Variants in TLK1 observed in about 807,000 individuals in gnomAD.
TLK1 encodes the protein tousled like kinase 1.
A neutral mutation model predicts 105.3 loss-of-function variants in TLK1; 24 were observed. The ratio of observed to expected loss-of-function variants is 0.23; its 90% CI spans 0.17 to 0.32. The LOEUF (loss-of-function observed/expected upper bound fraction) is 0.32, where lower values mean the gene tolerates loss of function less well. Among genes scored for constraint, TLK1 ranks in the 10% least tolerant of loss-of-function variants. The pLI is 1.00. For missense variants in TLK1, 558 were observed against 910.5 expected (o/e 0.61, Z 4.98); for synonymous variants, 321 against 310.4 (o/e 1.03, Z -0.36).
chr2:171,032,594 G>C (rs1445907322), intron 11 of TLK1, among the ~76,000 whole-genome samples: 2 of 152,134 alleles, frequency 1.3e-5, no homozygotes, highest in African/African-American at 4.8e-5. Context: ...AGTTCAAAAA[G>C]AGTTAATTAA....
intron 18 of TLK1, among the ~76,000 whole-genome samples, chr2:171,002,375 C>T (rs998325594): frequency 6.6e-6 from 1 of 152,108 alleles, no homozygotes; most frequent in African/African-American, 2.4e-5. Flanking sequence ...TCTCCTGCCT[C>T]AGCCTCCCGA....
chr2:171,175,748 TG>T (rs1410610937), intron 1 of TLK1, among the ~76,000 whole-genome samples: 2 of 152,186 alleles, frequency 1.3e-5, no homozygotes, highest in Admixed American at 6.6e-5. Flanking sequence ...TGTCTTTATT[TG>T]ACCTCTGGGA....
chr2:171,044,563 G>A (rs1686849789), intron 11 of TLK1, among the ~76,000 whole-genome samples: 1 of 152,184 alleles, frequency 6.6e-6, no homozygotes, highest in Non-Finnish European at 1.5e-5. Flanking sequence ...CGATACTCAA[G>A]AGAAAAGTGG....
chr2:171,214,718 G>A (rs1693681946), intron 1 of TLK1, among the ~76,000 whole-genome samples: 1 of 152,196 alleles, frequency 6.6e-6, no homozygotes, highest in Admixed American at 6.5e-5. Flanking sequence ...TGTATGATAA[G>A]AACTTAGAAT....
At chr2:171,146,486 T>G (rs763610608) in intron 1 of TLK1, among the ~76,000 whole-genome samples, 2 of 152,098 alleles carry the variant, frequency 1.3e-5, no homozygotes, top group South Asian at 2.1e-4. Context: ...GCATAAAACT[T>G]TATACAATGG....
chr2:171,210,702 A>G (rs1158480794), intron 1 of TLK1, among the ~76,000 whole-genome samples: 1 of 152,244 alleles, frequency 6.6e-6, no homozygotes, highest in Non-Finnish European at 1.5e-5. Context: ...ATTGTATTGC[A>G]ACATCCTTAT....
chr2:171,186,234 A>G lies in TLK1; in HGVS notation c.-6+44911T>C, dbSNP rs552612409. Among the ~76,000 whole-genome samples, 3 of 152,330 alleles carry G rather than the reference A, an allele frequency of 2.0e-5. No homozygotes were observed. In the East Asian group the frequency reaches 5.8e-4, roughly 29 times the overall value. On this transcript the variant is annotated intron_variant, in intron 1 of 20. Coordinates refer to the TLK1 transcript ENST00000521943. The stretch of plus-strand genomic sequence containing the variant: ...TAATCCTCATCGAAATGCCTATAGG[A>G]AACACCAGATTCAGTGAGATACCTC...
chr2:171,007,373 T>C (rs1436565799), intron 14 of TLK1, among the ~76,000 whole-genome samples: 1 of 152,070 alleles, frequency 6.6e-6, no homozygotes, highest in Non-Finnish European at 1.5e-5. Flanking sequence ...CTTATTCCTC[T>C]ATACTAGTAG....
At chr2:171,115,242 GCTCACCGCAACCTCCGT>G (rs1423148229) in intron 2 of TLK1, among the ~76,000 whole-genome samples, 1 of 142,434 alleles carries the variant, frequency 7.0e-6, no homozygotes, top group Non-Finnish European at 1.5e-5. Context: ...CGCCATCTTG[GCTCACCGCAACCTCCGT>G]CTCCCAGGTT....
At chr2:171,132,425 C>T (rs938275081) in intron 1 of TLK1, among the ~76,000 whole-genome samples, 2 of 151,940 alleles carry the variant, frequency 1.3e-5, no homozygotes, top group Non-Finnish European at 2.9e-5. Context: ...GTCATATATC[C>T]AGAAACTCAT....
At position 171,179,796 on chromosome 2, in the gene TLK1, A is replaced by G. The variant is rs181601474; in HGVS notation, c.-6+51349T>C. On this transcript the variant is annotated intron_variant, in intron 1 of 20. Coordinates refer to the TLK1 transcript ENST00000521943. ...AACATGATAAAACCCCGTCTCTACT[A>G]AAAACACAAAAATTAGGCCGGGCAT... is the stretch of plus-strand genomic sequence containing the variant. 2.0e-3 allele frequency among the ~76,000 whole-genome samples: 298 copies of G among 152,218 alleles called. 2 individuals carry two copies. Among genetic ancestry groups the G allele is most frequent in the African/African-American group, 6.8e-3 (282 of 41,554 alleles).
At chr2:171,044,764 A>T (rs1686861877) in intron 11 of TLK1, among the ~76,000 whole-genome samples, 1 of 152,354 alleles carries the variant, frequency 6.6e-6, no homozygotes, top group South Asian at 2.1e-4. Flanking sequence ...ATGCAGCCGG[A>T]TGAGTTAAAA....
At chr2:171,181,248 T>A (rs1299871226) in intron 1 of TLK1, among the ~76,000 whole-genome samples, 1 of 152,232 alleles carries the variant, frequency 6.6e-6, no homozygotes, top group Non-Finnish European at 1.5e-5. Context: ...ACAGTGAAAC[T>A]TGTTTCTTAA....
chr2:171,084,753 G>A (rs548432265), intron 2 of TLK1, among the ~76,000 whole-genome samples: 1 of 152,006 alleles, frequency 6.6e-6, no homozygotes, highest in Non-Finnish European at 1.5e-5. Flanking sequence ...TGAACTAAGA[G>A]ATATTACAAA....
At position 171,067,630 on chromosome 2, in the gene TLK1, T is replaced by C. The variant is rs578052000; in HGVS notation, c.331-6474A>G. 5.5e-4 allele frequency among the ~76,000 whole-genome samples: 84 copies of C among 152,296 alleles called. 1 individual carries two copies. In the South Asian group the frequency reaches 0.013, roughly 23 times the overall value. ...CAATACAACTTTTTTTTTATTATTA[T>C]ACTTTAAGTTCTGAGGTACATGTGC... On this transcript the variant is annotated intron_variant, in intron 3 of 20. Coordinates refer to ENST00000431350, the MANE Select transcript of TLK1 (RefSeq NM_012290.5).
chr2:171,103,031 G>GA (rs1689758046), intron 2 of TLK1, among the ~76,000 whole-genome samples: 1 of 152,054 alleles, frequency 6.6e-6, no homozygotes, highest in Admixed American at 6.6e-5. Context: ...TTGAAGAGGG[G>GA]AAATTTGAAT....
intron 1 of TLK1, among the ~76,000 whole-genome samples, chr2:171,199,006 A>C (rs1382195855): frequency 6.6e-6 from 1 of 152,230 alleles, no homozygotes; most frequent in Admixed American, 6.5e-5. Flanking sequence ...CCATCCAATA[A>C]GTTTCTAATG....
At chr2:171,044,373 A>G (rs994624071) in intron 11 of TLK1, among the ~76,000 whole-genome samples, 1 of 152,248 alleles carries the variant, frequency 6.6e-6, no homozygotes, top group African/African-American at 2.4e-5. Flanking sequence ...AACACAGAAA[A>G]GGGGCAAAGT....
At chr2:171,001,493 G>A (rs1364403776) in intron 18 of TLK1, among the ~76,000 whole-genome samples, 1 of 152,156 alleles carries the variant, frequency 6.6e-6, no homozygotes, top group African/African-American at 2.4e-5. Context: ...CCTCCTTGTT[G>A]TATAGGCAAA....
Sources: allele counts gnomAD v4.1 joint callset (sites outside exome capture counted in the v4.1 genomes callset), GRCh38; gene constraint gnomAD v4.1.1; transcripts MANE v1.5; gene names NCBI Gene and HGNC (gene_info 2026-07-23, HGNC 2026-07-21).